The following ALKBH8 variants were observed in gnomAD, a reference collection of about 807,000 sequenced individuals.
The protein encoded by ALKBH8 is tRNA (carboxymethyluridine(34)-5-O)-methyltransferase ALKBH8.
In ALKBH8, 36 loss-of-function variants were observed where a neutral mutation model predicts 59.8. The ratio of observed to expected loss-of-function variants is 0.60; its 90% CI spans 0.46 to 0.79. The LOEUF (loss-of-function observed/expected upper bound fraction) is 0.79. Among genes scored for constraint, ALKBH8 ranks in the 30% least tolerant of loss-of-function variants. The pLI, the probability that ALKBH8 is intolerant of heterozygous loss-of-function variation, is 0.00. For missense variants in ALKBH8, 768 were observed against 801.0 expected, an observed-to-expected ratio of 0.96 and a Z score of 0.50; for synonymous variants, 276 against 273.6, an observed-to-expected ratio of 1.01 and a Z score of -0.09.
At chr11:107,536,048 T>C (rs562603366) in intron 7 of ALKBH8, among the ~76,000 whole-genome samples, 2 of 152,360 alleles carry the variant, frequency 1.3e-5, no homozygotes, top group African/African-American at 4.8e-5. Context: ...TGCTACCTAC[T>C]ATTTTACCAA....
At chr11:107,541,851 G>T (rs948740421) in intron 7 of ALKBH8, among the ~76,000 whole-genome samples, 1 of 152,014 alleles carries the variant, frequency 6.6e-6, no homozygotes, top group African/African-American at 2.4e-5. Flanking sequence ...CATGTTTAAA[G>T]ATATAAATGC....
At chr11:107,506,950 AG>A (rs1862412787) in intron 11 of ALKBH8, among the ~76,000 whole-genome samples, 1 of 151,938 alleles carries the variant, frequency 6.6e-6, no homozygotes, top group Non-Finnish European at 1.5e-5. Context: ...AATGCAATAA[AG>A]GGCAGAAGGG....
At position 107,504,954 on chromosome 11, in the gene ALKBH8, C is replaced by T. The variant is rs1340346834; in HGVS notation, c.1699G>A (p.Gly567Arg). The change falls in exon 12 of 12, where the codon GGA becomes AGA. Residue 567 changes from glycine (G) to arginine (R), a missense_variant. By Grantham distance (125) the Gly-to-Arg change is moderately radical (BLOSUM62 -2). Coordinates refer to ENST00000428149, the MANE Select transcript of ALKBH8 (RefSeq NM_138775.3). ...TTAGAAACTTGCCTTGAATTACATCCTCCTTCCTGAGAGTCATTAATGCGG... is the reference window on the plus strand; with the variant it reads ...TTAGAAACTTGCCTTGAATTACATCTTCCTTCCTGAGAGTCATTAATGCGG... ...VPRINDSQEG[G>R]CNSRQVSNSK... 29 of 1,551,848 alleles carry T rather than the reference C, an allele frequency of 1.9e-5. No individual in the cohort carries two copies. The highest frequency in any genetic ancestry group is 2.5e-5 in the Non-Finnish European group (29 of 1,146,952).
intron 10 of ALKBH8, among the ~76,000 whole-genome samples, chr11:107,513,560 A>T (rs1862728521): frequency 6.6e-6 from 1 of 152,212 alleles, no homozygotes; most frequent in Non-Finnish European, 1.5e-5. Flanking sequence ...AAAGTAATAT[A>T]AATTGTTCTA....
At chr11:107,520,794 T>C (rs1291166629) in intron 10 of ALKBH8, among the ~76,000 whole-genome samples, 6 of 152,234 alleles carry the variant, frequency 3.9e-5, no homozygotes, top group Non-Finnish European at 5.9e-5. Context: ...CGCCTCTTAA[T>C]GTACAAACTC....
rs1862272035 is a variant in ALKBH8 at position 107,503,920 on chromosome 11, G to A, written c.*738C>T. ...CAAGGTGAATCGTCTCTCATTTTATGTTTTTCATGGCATTTATCACTATCT... is the reference window on the plus strand; with the variant it reads ...CAAGGTGAATCGTCTCTCATTTTATATTTTTCATGGCATTTATCACTATCT... On this transcript the variant is annotated 3_prime_UTR_variant, in exon 12 of 12. Transcript: ENST00000428149. 6.6e-6 allele frequency: 1 copy of A among 152,110 alleles called. No individual in the cohort carries two copies. Among genetic ancestry groups the A allele is most frequent in the Non-Finnish European group, 1.5e-5 (1 of 68,022 alleles). 9.4% of individuals were successfully genotyped at this position (152,110 alleles called of 1,614,324 possible). A position where few individuals can be genotyped will look rare whatever the true frequency, so the allele number is the denominator to read the frequency against.
chr11:107,555,110 A>G (rs547281069), intron 3 of ALKBH8, among the ~76,000 whole-genome samples: 1 of 152,076 alleles, frequency 6.6e-6, no homozygotes, highest in Non-Finnish European at 1.5e-5. Flanking sequence ...ATACAAAAAA[A>G]TTAGCCGGCC....
intron 7 of ALKBH8, among the ~76,000 whole-genome samples, chr11:107,539,709 C>G (rs1356915623): frequency 6.6e-6 from 1 of 152,008 alleles, no homozygotes; most frequent in Non-Finnish European, 1.5e-5. Flanking sequence ...AAAGCAAAAA[C>G]AGAAAACAAC....
chr11:107,531,011 G>A (rs1333688596), intron 8 of ALKBH8, among the ~76,000 whole-genome samples: 1 of 151,810 alleles, frequency 6.6e-6, no homozygotes, highest in African/African-American at 2.4e-5. Context: ...CTTGAACCCA[G>A]AAAAGAAAAT....
intron 7 of ALKBH8, among the ~76,000 whole-genome samples, chr11:107,541,519 C>A (rs1864033860): frequency 6.6e-6 from 1 of 152,180 alleles, no homozygotes; most frequent in African/African-American, 2.4e-5. Context: ...TTAGAACTAC[C>A]ATTGGGGGCC....
At chr11:107,545,428 T>C (rs1864208840) in intron 7 of ALKBH8, among the ~76,000 whole-genome samples, 1 of 152,164 alleles carries the variant, frequency 6.6e-6, no homozygotes, top group South Asian at 2.1e-4. Context: ...TAATTTTTAC[T>C]CAGTACCCTA....
chr11:107,513,611 T>C (rs1023789869), intron 10 of ALKBH8, among the ~76,000 whole-genome samples: 6 of 152,194 alleles, frequency 3.9e-5, no homozygotes, highest in African/African-American at 1.4e-4. Flanking sequence ...TGCAGCATTA[T>C]TCACAATAGT....
chr11:107,510,273 GA>G, intron 11 of ALKBH8, among the ~76,000 whole-genome samples: 1 of 151,876 alleles, frequency 6.6e-6, no homozygotes, highest in African/African-American at 2.4e-5. Flanking sequence ...TGACACCCAA[GA>G]AAAATAAGTG....
intron 2 of ALKBH8, among the ~76,000 whole-genome samples, chr11:107,559,671 T>TA (rs1864859155): frequency 6.6e-6 from 1 of 152,248 alleles, no homozygotes; most frequent in Non-Finnish European, 1.5e-5. Context: ...ATATTAATTC[T>TA]AATCTATTAT....
At chr11:107,544,967 G>A (rs1864189868) in intron 7 of ALKBH8, among the ~76,000 whole-genome samples, 1 of 151,906 alleles carries the variant, frequency 6.6e-6, no homozygotes, top group Non-Finnish European at 1.5e-5. Context: ...TATAAAGAAT[G>A]AGAGAAAGGA....
At chr11:107,527,703 T>A (rs893352558) in intron 8 of ALKBH8, among the ~76,000 whole-genome samples, 1 of 152,064 alleles carries the variant, frequency 6.6e-6, no homozygotes, top group Non-Finnish European at 1.5e-5. Context: ...TTATTAGTTC[T>A]GGAACTTGTA....
chr11:107,560,718 C>A, intron 2 of ALKBH8, 47 bp downstream of exon 2: 1 of 1,519,836 alleles, frequency 6.6e-7, no homozygotes, highest in Non-Finnish European at 8.9e-7. Context: ...AATACATTAA[C>A]ATGTCAGTAC....
chr11:107,537,821 G>C (rs1863883792), intron 7 of ALKBH8, among the ~76,000 whole-genome samples: 1 of 151,898 alleles, frequency 6.6e-6, no homozygotes, highest in Non-Finnish European at 1.5e-5. Flanking sequence ...TAAAATTCAT[G>C]CCAATAAATC....
intron 7 of ALKBH8, among the ~76,000 whole-genome samples, chr11:107,542,167 A>C (rs181843526): frequency 6.6e-6 from 1 of 152,274 alleles, no homozygotes; most frequent in African/African-American, 2.4e-5. Context: ...GCAATTACTA[A>C]GCATTTTCCA....
Sources: gnomAD v4.1 joint callset for allele counts (sites outside exome capture counted in the v4.1 genomes callset) on GRCh38, gnomAD v4.1.1 for gene constraint, MANE v1.5 for transcripts, NCBI Gene and HGNC (gene_info 2026-07-23, HGNC 2026-07-21) for gene names.